Variants in SOX6 observed in about 807,000 individuals in gnomAD.
SOX6 encodes the protein SRY-box transcription factor 6.
A neutral mutation model predicts 97.8 loss-of-function variants in SOX6; 11 were observed. The ratio of observed to expected loss-of-function variants is 0.11; its 90% confidence interval spans 0.07 to 0.19. The LOEUF (loss-of-function observed/expected upper bound fraction) is 0.19, where lower values mean the gene tolerates loss of function less well. Ranked by LOEUF, SOX6 falls within the 10% of genes least tolerant of loss-of-function variation. SOX6 has a pLI of 1.00. For missense variants in SOX6, 810 were observed against 1,039.5 expected (o/e 0.78, Z 3.04); for synonymous variants, 360 against 371.4 (o/e 0.97, Z 0.35).
At chr11:16,541,770 T>C (rs1036001702) in intron 4 of SOX6, among the ~76,000 whole-genome samples, 1 of 152,130 alleles carries the variant, frequency 6.6e-6, no homozygotes, top group Non-Finnish European at 1.5e-5. Context: ...TGAGATACCA[T>C]CTCACACCAG....
At chr11:16,423,631 C>T (rs1012358604) in intron 1 of SOX6, among the ~76,000 whole-genome samples, 15 of 152,016 alleles carry the variant, frequency 9.9e-5, no homozygotes, top group African/African-American at 3.4e-4. Context: ...ATAAAAAAGG[C>T]TGAAAAGGAG....
At chr11:16,426,503 C>T (rs1397256302) in intron 1 of SOX6, among the ~76,000 whole-genome samples, 2 of 152,046 alleles carry the variant, frequency 1.3e-5, no homozygotes, top group Non-Finnish European at 2.9e-5. Flanking sequence ...AATAAGACCA[C>T]ACACCTACAA....
At chr11:16,024,153 A>AAGAGCATGTGAGGAC (rs1855149982) in intron 12 of SOX6, among the ~76,000 whole-genome samples, 1 of 152,124 alleles carries the variant, frequency 6.6e-6, no homozygotes, top group Non-Finnish European at 1.5e-5. Flanking sequence ...ACATGGAGGA[A>AAGAGCATGTGAGGAC]AGAGCATGTG....
intron 3 of SOX6, among the ~76,000 whole-genome samples, chr11:16,675,561 TTGTC>T (rs1451766164): frequency 6.6e-6 from 1 of 152,250 alleles, no homozygotes; most frequent in Non-Finnish European, 1.5e-5. Flanking sequence ...TTTTATGTCT[TTGTC>T]TGGGTTCAAG....
chr11:16,521,634 A>G (rs1173232644), intron 4 of SOX6, among the ~76,000 whole-genome samples: 1 of 152,244 alleles, frequency 6.6e-6, no homozygotes, highest in Non-Finnish European at 1.5e-5. Flanking sequence ...TGGATGGAGA[A>G]TTACTTTGAC....
intron 4 of SOX6, among the ~76,000 whole-genome samples, chr11:16,544,722 C>T (rs1565176799): frequency 1.3e-5 from 2 of 151,746 alleles, no homozygotes; most frequent in African/African-American, 4.8e-5. Context: ...AATTTTTAAA[C>T]TTTTTTTTAA....
chr11:15,980,907 A>C (rs1267726932), intron 15 of SOX6, among the ~76,000 whole-genome samples: 1 of 151,974 alleles, frequency 6.6e-6, no homozygotes, highest in Non-Finnish European at 1.5e-5. Flanking sequence ...ATTATATGCT[A>C]ATCTATTCAT....
At chr11:16,733,854 A>G (rs1019471974) in intron 2 of SOX6, among the ~76,000 whole-genome samples, 17 of 151,650 alleles carry the variant, frequency 1.1e-4, no homozygotes, top group African/African-American at 4.1e-4. Flanking sequence ...GTGAAACCCC[A>G]TCTCTACTAA....
chr11:16,531,789 C>T (rs757265390), intron 4 of SOX6, among the ~76,000 whole-genome samples: 3 of 151,802 alleles, frequency 2.0e-5, no homozygotes, highest in South Asian at 2.1e-4. Flanking sequence ...TCTTTTGATC[C>T]GTATTTCTTT....
chr11:16,264,694 A>G (rs1437867538), intron 3 of SOX6: 1 of 151,826 alleles, frequency 6.6e-6, no homozygotes, highest in East Asian at 1.9e-4. Flanking sequence ...CCAAAATAGA[A>G]TACCTGTTTC....
At chr11:16,402,591 G>C (rs376913231) in intron 1 of SOX6, 6 of 1,452,212 alleles carry the variant, frequency 4.1e-6, no homozygotes, top group East Asian at 4.5e-5. Flanking sequence ...AAGAAATATC[G>C]CTTTGTTTAA....
intron 2 of SOX6, among the ~76,000 whole-genome samples, chr11:16,723,408 T>C (rs990641427): frequency 1.3e-5 from 2 of 151,894 alleles, no homozygotes; most frequent in Non-Finnish European, 2.9e-5. Flanking sequence ...GATGAGATAA[T>C]ATGTGCAACA....
intron 1 of SOX6, among the ~76,000 whole-genome samples, chr11:16,452,954 G>A (rs980035049): frequency 3.3e-5 from 5 of 152,146 alleles, no homozygotes; most frequent in African/African-American, 1.2e-4. Context: ...ATGAGTTCAT[G>A]AGTAAGATGA....
rs749763676 is a variant in SOX6, at chr11:16,248,881, A to T, written c.446-14210T>A. On this transcript the variant is annotated intron_variant, in intron 3 of 15. Transcript: ENST00000683767. ...GGGAGCCCAAGGAAGGCAGATTATG[A>T]GGTCAGGAGATTGAGACAATCCTGG... 7.2e-5 allele frequency among the ~76,000 whole-genome samples: 11 copies of T among 152,232 alleles called. No individual in the cohort carries two copies. The South Asian group carries it at 1.5e-3, about 20-fold the overall frequency.
chr11:16,509,599 A>G (rs975187748), intron 4 of SOX6, among the ~76,000 whole-genome samples: 1 of 152,066 alleles, frequency 6.6e-6, no homozygotes, highest in East Asian at 1.9e-4. Context: ...TACCAGAGTA[A>G]ACACTATAGA....
Position 16,096,014 on chromosome 11 carries a change from G to A in SOX6, c.1083C>T (p.Tyr361=), listed in dbSNP as rs746904214. The A allele has an allele frequency of 1.1e-5, 18 of 1,609,866 alleles. No individual in the cohort carries two copies. Among genetic ancestry groups the A allele is most frequent in the Non-Finnish European group, 1.5e-5 (18 of 1,177,584 alleles). ...DTFEHGGGHS[Y]NHKQIEQLYA... ...TTCATACCTCAATCTGTTTGTGGTTGTAAGAGTGGCCACCACCATGTTCAA... is the reference window on the plus strand; with the variant it reads ...TTCATACCTCAATCTGTTTGTGGTTATAAGAGTGGCCACCACCATGTTCAA... The change falls in exon 9 of 16, where the codon TAC becomes TAT. Residue 361 remains tyrosine (Y), a synonymous_variant. Transcript: ENST00000683767.
intron 12 of SOX6, among the ~76,000 whole-genome samples, chr11:16,028,454 C>G (rs1001135008): frequency 6.6e-6 from 1 of 152,152 alleles, no homozygotes; most frequent in Non-Finnish European, 1.5e-5. Flanking sequence ...GCACCCAGTT[C>G]CATGTTTTAT....
chr11:16,288,111 A>G (rs1307272698), intron 3 of SOX6, among the ~76,000 whole-genome samples: 2 of 152,096 alleles, frequency 1.3e-5, no homozygotes, highest in Non-Finnish European at 2.9e-5. Flanking sequence ...AAAATGTTCA[A>G]GAGAGGGAGT....
At chr11:16,611,533 T>C (rs1021898646) in intron 4 of SOX6, among the ~76,000 whole-genome samples, 1 of 152,212 alleles carries the variant, frequency 6.6e-6, no homozygotes, top group Non-Finnish European at 1.5e-5. Flanking sequence ...CGGAGAAGTT[T>C]TAGCAATTGG....
Sources: gnomAD v4.1 joint callset for allele counts (sites outside exome capture counted in the v4.1 genomes callset) on GRCh38, gnomAD v4.1.1 for gene constraint, MANE v1.5 for transcripts, NCBI Gene and HGNC (gene_info 2026-07-23, HGNC 2026-07-21) for gene names.